The following KCNU1 variants were observed in gnomAD, a reference collection of about 807,000 sequenced individuals.
The protein encoded by KCNU1 is potassium calcium-activated channel subfamily U member 1, also known as potassium channel subfamily U member 1.
A neutral mutation model predicts 126.8 loss-of-function variants in KCNU1; 93 were observed. The observed-to-expected ratio is 0.73, with a 90% confidence interval of 0.62 to 0.87. The LOEUF (loss-of-function observed/expected upper bound fraction) is 0.87, where lower values mean the gene tolerates loss of function less well. Among genes scored for constraint, KCNU1 ranks in the 40% least tolerant of loss-of-function variants. KCNU1 has a pLI of 0.00. For missense variants in KCNU1, 1,330 were observed against 1,367.1 expected, an observed-to-expected ratio of 0.97 and a Z score of 0.43; for synonymous variants, 523 against 494.2, an observed-to-expected ratio of 1.06 and a Z score of -0.77.
Position 36,928,873 on chromosome 8 carries a change from G to A in KCNU1, c.2737-2078G>A, listed in dbSNP as rs1014023630. 5.6e-5 allele frequency: 33 copies of A among 594,118 alleles called. No homozygotes were observed. The African/African-American group carries it at 5.7e-4, about 10-fold the overall frequency. 36.8% of individuals were successfully genotyped at this position (594,118 alleles called of 1,614,324 possible). On this transcript the variant is annotated intron_variant, in intron 24 of 26. Transcript: ENST00000399881. ...CCACTCAGAGTGCCCTTTAAATTCTGATTCCCATTCCTGTCCATATATTCT... is the reference window on the plus strand; with the variant it reads ...CCACTCAGAGTGCCCTTTAAATTCTAATTCCCATTCCTGTCCATATATTCT...
intron 23 of KCNU1, 150 bp from the exon 24 acceptor site, chr8:36,922,340 A>G (rs1383692427): frequency 1.4e-6 from 1 of 705,864 alleles, no homozygotes; most frequent in Non-Finnish European, 2.3e-6. Context: ...GAAAAAAAAA[A>G]TGTACTGAAA....
chr8:36,931,683 C>T (rs557561492), intron 25 of KCNU1, among the ~76,000 whole-genome samples: 1 of 152,064 alleles, frequency 6.6e-6, no homozygotes, highest in East Asian at 1.9e-4. Flanking sequence ...GCAGTTTGAC[C>T]CTGGGCCTGC....
intron 18 of KCNU1, among the ~76,000 whole-genome samples, chr8:36,859,442 G>A (rs554760993): frequency 7.2e-5 from 11 of 152,038 alleles, no homozygotes; most frequent in Admixed American, 3.9e-4. Flanking sequence ...CTTTCTCCCC[G>A]CTACTATACT....
intron 2 of KCNU1, among the ~76,000 whole-genome samples, chr8:36,803,469 C>T (rs374080954): frequency 2.6e-5 from 4 of 151,480 alleles, no homozygotes; most frequent in African/African-American, 7.3e-5. Flanking sequence ...CCCTATTTTA[C>T]AGAGGCACTG....
chr8:36,906,316 C>G (rs960607878), intron 20 of KCNU1, among the ~76,000 whole-genome samples: 5 of 152,120 alleles, frequency 3.3e-5, no homozygotes, highest in Middle Eastern at 3.4e-3. Context: ...CTCCTAAACA[C>G]TCCGTACAAC....
At chr8:36,909,256 A>G in intron 20 of KCNU1, 55 bp from the exon 21 acceptor site, 1 of 1,095,892 alleles carries the variant, frequency 9.1e-7, no homozygotes, top group South Asian at 1.3e-5. Flanking sequence ...GCCTACTTGG[A>G]GGGATTCTCA....
At chr8:36,784,641 T>C (rs778865563) in intron 1 of KCNU1, 36 bp downstream of exon 1, 15 of 1,501,732 alleles carry the variant, frequency 1.0e-5, no homozygotes, top group Admixed American at 1.9e-5. Context: ...CTGTGTGAAG[T>C]CAGAGATGAG....
chr8:36,841,919 G>A (rs1356462731), intron 16 of KCNU1, among the ~76,000 whole-genome samples: 1 of 151,536 alleles, frequency 6.6e-6, no homozygotes, highest in Non-Finnish European at 1.5e-5. Context: ...AAACATAAAT[G>A]GAAGAAAAGG....
At position 36,873,060 on chromosome 8, in the gene KCNU1, C is replaced by T. The variant is rs893217324; in HGVS notation, c.2009+8539C>T. Among the ~76,000 whole-genome samples, 6 of 152,152 alleles carry T rather than the reference C, an allele frequency of 3.9e-5. No individual in the cohort carries two copies. In the South Asian group the frequency reaches 8.3e-4, roughly 21 times the overall value. ...CACCATTGCACTCCAGCCTGGGCAACAAGAGCGAAATTCCATCTCAAAAAA... is the reference window on the plus strand; with the variant it reads ...CACCATTGCACTCCAGCCTGGGCAATAAGAGCGAAATTCCATCTCAAAAAA... On this transcript the variant is annotated intron_variant, in intron 19 of 26. Transcript: ENST00000399881.
chr8:36,815,692 G>A lies in KCNU1; in HGVS notation c.995+5G>A, dbSNP rs530531001. 9 of 1,484,332 alleles carry A rather than the reference G, an allele frequency of 6.1e-6. No individual in the cohort carries two copies. The highest frequency in any genetic ancestry group is 3.6e-5 in the South Asian group (3 of 84,290). The allele number at this position is 1,484,332 out of a possible 1,614,324, so 91.9% of individuals were successfully genotyped here. On this transcript the variant is annotated splice_donor_5th_base_variant and intron_variant, in intron 9 of 26. Transcript: ENST00000399881. ...TGAAGCACTCAAAGGAAAGAAGTAA[G>A]TAGTGTTTTAAGTATAATTTCTACA...
intron 22 of KCNU1, among the ~76,000 whole-genome samples, chr8:36,914,046 C>T (rs962534055): frequency 6.6e-6 from 1 of 152,134 alleles, no homozygotes. Flanking sequence ...TTCACAGAAG[C>T]CTGTTTGGCT....
intron 3 of KCNU1, among the ~76,000 whole-genome samples, chr8:36,804,864 C>G (rs544183191): frequency 6.6e-6 from 1 of 152,226 alleles, no homozygotes; most frequent in East Asian, 1.9e-4. Flanking sequence ...AATATACTGA[C>G]TAGATAGATG....
intron 2 of KCNU1, among the ~76,000 whole-genome samples, chr8:36,790,716 C>T (rs1802872803): frequency 6.6e-6 from 1 of 151,712 alleles, no homozygotes; most frequent in South Asian, 2.1e-4. Flanking sequence ...CCCTTTTTGC[C>T]CCTTCGATGA....
intron 1 of KCNU1, among the ~76,000 whole-genome samples, chr8:36,786,804 G>A (rs1424732838): frequency 1.3e-5 from 2 of 152,096 alleles, no homozygotes; most frequent in Admixed American, 1.3e-4. Flanking sequence ...ATGTGAGGAA[G>A]GATTATAATT....
intron 19 of KCNU1, chr8:36,889,180 A>T (rs1216341450): frequency 1.9e-6 from 1 of 534,470 alleles, no homozygotes; most frequent in Admixed American, 1.9e-5. Context: ...GCCCAGCAAA[A>T]CTACCAGTTC....
intron 26 of KCNU1, among the ~76,000 whole-genome samples, chr8:36,934,228 T>C (rs1379746752): frequency 6.6e-6 from 1 of 152,120 alleles, no homozygotes; most frequent in East Asian, 1.9e-4. Flanking sequence ...CTGGAAGTCA[T>C]AGCAATACGT....
intron 9 of KCNU1, among the ~76,000 whole-genome samples, chr8:36,816,037 G>A (rs1803897545): frequency 6.6e-6 from 1 of 152,024 alleles, no homozygotes; most frequent in Non-Finnish European, 1.5e-5. Context: ...CATTTTCCTT[G>A]TATGGGTAAC....
At position 36,890,551 on chromosome 8, in the gene KCNU1, A is replaced by G. The variant is rs76441630; in HGVS notation, c.2010-15157A>G. The stretch of plus-strand genomic sequence containing the variant: ...CTACAAAAAGAGATAAAATGAAATC[A>G]TATAAAATGCTCAATCAAAACCAGA... On this transcript the variant is annotated intron_variant, in intron 19 of 26. Transcript: ENST00000399881. Among the ~76,000 whole-genome samples, 671 of 152,162 alleles carry G rather than the reference A, an allele frequency of 4.4e-3. 9 individuals are homozygous for G. The highest frequency in any genetic ancestry group is 0.015 in the African/African-American group (636 of 41,556).
intron 20 of KCNU1, among the ~76,000 whole-genome samples, chr8:36,906,476 C>A (rs888565481): frequency 5.3e-5 from 8 of 152,162 alleles, no homozygotes; most frequent in Middle Eastern, 3.4e-3. Context: ...TAGATGCCCA[C>A]CTACTGTAAT....
Sources: gnomAD v4.1 joint callset for allele counts (sites outside exome capture counted in the v4.1 genomes callset) on GRCh38, gnomAD v4.1.1 for gene constraint, MANE v1.5 for transcripts, NCBI Gene and HGNC (gene_info 2026-07-23, HGNC 2026-07-21) for gene names.